ADGRL3: variants seen among roughly 807,000 people sequenced by gnomAD.
ADGRL3 encodes the protein adhesion G protein-coupled receptor L3.
Under a neutral mutation model 153.5 loss-of-function variants are expected in ADGRL3, and 62 were observed. The ratio of observed to expected loss-of-function variants is 0.40; its 90% confidence interval spans 0.33 to 0.50. The LOEUF is 0.50. Among genes scored for constraint, ADGRL3 ranks in the 20% least tolerant of loss-of-function variants. ADGRL3 has a pLI of 0.47. For synonymous variants in ADGRL3, 710 were observed against 672.5 expected, an observed-to-expected ratio of 1.06 and a Z score of -0.86; for missense variants, 1,641 against 1,859.4, an observed-to-expected ratio of 0.88 and a Z score of 2.16.
chr4:61,527,895 A>G (rs1579348626), intron 4 of ADGRL3, among the ~76,000 whole-genome samples: 1 of 152,128 alleles, frequency 6.6e-6, no homozygotes, highest in Non-Finnish European at 1.5e-5. Context: ...CATATCATAC[A>G]GTTCCTGGTG....
intron 25 of ADGRL3, among the ~76,000 whole-genome samples, 160 bp downstream of exon 25, chr4:62,044,709 T>A (rs914223372): frequency 6.6e-6 from 1 of 152,086 alleles, no homozygotes; most frequent in Non-Finnish European, 1.5e-5. Flanking sequence ...CCATTATTCA[T>A]AAGCTACTTT....
chr4:61,922,273 G>A (rs1454059144), intron 13 of ADGRL3, among the ~76,000 whole-genome samples: 2 of 152,068 alleles, frequency 1.3e-5, no homozygotes, highest in Non-Finnish European at 2.9e-5. Flanking sequence ...ATATACTTCT[G>A]TAATTTAAAA....
chr4:61,389,749 T>C (rs2151990333), intron 2 of ADGRL3, among the ~76,000 whole-genome samples: 1 of 152,334 alleles, frequency 6.6e-6, no homozygotes, highest in East Asian at 1.9e-4. Flanking sequence ...TGCTTATTCC[T>C]CTCTTGGAGA....
rs558502911 is a variant in ADGRL3, at chr4:61,391,347, C to T, written c.-174+8158C>T. 1.1e-3 allele frequency among the ~76,000 whole-genome samples: 162 copies of T among 152,284 alleles called. 1 individual carries two copies. Among genetic ancestry groups the T allele is most frequent in the African/African-American group, 3.7e-3 (155 of 41,568 alleles). The stretch of plus-strand genomic sequence containing the variant: ...TTTAAAAAAACAGATCTCACGTGAA[C>T]TCAGAGTGAGAACTCACTCCTTACC... On this transcript the variant is annotated intron_variant, in intron 2 of 26. Coordinates refer to ENST00000683033, the MANE Select transcript of ADGRL3 (RefSeq NM_001387552.1).
rs748379370 is a variant in ADGRL3, at chr4:62,028,904, A to T, written c.3422+23A>T. ...CAAGTAAGAATGACCTGAATGGCTGATAAATTCCGTTTATCAGTGTGGTCC... is the reference window on the plus strand; with the variant it reads ...CAAGTAAGAATGACCTGAATGGCTGTTAAATTCCGTTTATCAGTGTGGTCC... On this transcript the variant is annotated intron_variant, in intron 22 of 26. Transcript: ENST00000683033. The T allele has an allele frequency of 2.5e-6, 4 of 1,599,406 alleles. No individual in the cohort carries two copies. In the African/African-American group the frequency reaches 5.4e-5, roughly 21 times the overall value.
chr4:61,662,315 C>G (rs1196003673), intron 5 of ADGRL3, among the ~76,000 whole-genome samples: 2 of 152,242 alleles, frequency 1.3e-5, no homozygotes, highest in African/African-American at 2.4e-5. Flanking sequence ...TTACTGTACT[C>G]TTAGGGGCCT....
chr4:61,767,687 G>A (rs1245989974), intron 8 of ADGRL3, among the ~76,000 whole-genome samples: 2 of 152,158 alleles, frequency 1.3e-5, no homozygotes, highest in African/African-American at 4.8e-5. Flanking sequence ...GATGGGACGT[G>A]GCTTAGGAGG....
intron 9 of ADGRL3, among the ~76,000 whole-genome samples, chr4:61,853,626 A>G (rs1263188944): frequency 6.6e-6 from 1 of 152,228 alleles, no homozygotes; most frequent in Non-Finnish European, 1.5e-5. Context: ...ACACTAAAGA[A>G]GCCTGCTTGT....
intron 1 of ADGRL3, 132 bp downstream of exon 1, chr4:61,201,897 T>TCACACACACA (rs574150715): frequency 5.3e-5 from 8 of 151,770 alleles, no homozygotes; most frequent in African/African-American, 1.9e-4. Flanking sequence ...ACACTCGCCC[T>TCACACACACA]CACACACACA....
chr4:61,283,847 T>G (rs1282396134), intron 1 of ADGRL3, among the ~76,000 whole-genome samples: 1 of 152,038 alleles, frequency 6.6e-6, no homozygotes, highest in Non-Finnish European at 1.5e-5. Flanking sequence ...TGATTGTCCG[T>G]GCATTTTTGC....
At chr4:61,530,227 G>A (rs2098604043) in intron 4 of ADGRL3, among the ~76,000 whole-genome samples, 1 of 152,032 alleles carries the variant, frequency 6.6e-6, no homozygotes, top group African/African-American at 2.4e-5. Context: ...AGATATAGAA[G>A]GGTAGTGAAG....
chr4:61,669,062 T>C (rs2094903364), intron 5 of ADGRL3, among the ~76,000 whole-genome samples: 1 of 152,206 alleles, frequency 6.6e-6, no homozygotes, highest in African/African-American at 2.4e-5. Context: ...CTTATTACTT[T>C]TATAAGTCTT....
At chr4:62,017,746 AG>A (rs1438018279) in intron 21 of ADGRL3, among the ~76,000 whole-genome samples, 2 of 152,210 alleles carry the variant, frequency 1.3e-5, no homozygotes, top group Admixed American at 1.3e-4. Context: ...AAGGAGAAGT[AG>A]GCCTTCAACC....
chr4:61,283,147 A>C (rs764410341), intron 1 of ADGRL3, among the ~76,000 whole-genome samples: 12 of 152,104 alleles, frequency 7.9e-5, no homozygotes, highest in Non-Finnish European at 1.5e-4. Flanking sequence ...GGCAGATCAC[A>C]CTTTAGAAGG....
intron 1 of ADGRL3, among the ~76,000 whole-genome samples, chr4:61,310,540 G>T (rs2094958528): frequency 6.6e-6 from 1 of 151,990 alleles, no homozygotes; most frequent in African/African-American, 2.4e-5. Context: ...CCTATGCTTT[G>T]GTGCGTTCAA....
At chr4:61,276,500 T>G (rs1398430820) in intron 1 of ADGRL3, among the ~76,000 whole-genome samples, 2 of 152,166 alleles carry the variant, frequency 1.3e-5, no homozygotes, top group Non-Finnish European at 1.5e-5. Context: ...TATTCTTTGT[T>G]TTGGCTTTTG....
At chr4:62,061,782 G>A (rs1023654630) in intron 25 of ADGRL3, among the ~76,000 whole-genome samples, 6 of 152,012 alleles carry the variant, frequency 3.9e-5, no homozygotes, top group Admixed American at 6.6e-5. Context: ...GTTTTTATGT[G>A]TATCAGTAGT....
intron 6 of ADGRL3, among the ~76,000 whole-genome samples, chr4:61,706,052 T>A (rs2095852186): frequency 6.6e-6 from 1 of 152,136 alleles, no homozygotes; most frequent in Admixed American, 6.6e-5. Context: ...AGAGACTAGC[T>A]TGTTACTGAA....
intron 1 of ADGRL3, among the ~76,000 whole-genome samples, chr4:61,346,374 G>T (rs2095907797): frequency 1.3e-5 from 2 of 150,702 alleles, no homozygotes; most frequent in African/African-American, 4.9e-5. Context: ...CTTGTATGGG[G>T]GAGAAAATTA....
Sources: gnomAD v4.1 joint callset for allele counts (sites outside exome capture counted in the v4.1 genomes callset) on GRCh38, gnomAD v4.1.1 for gene constraint, MANE v1.5 for transcripts, NCBI Gene and HGNC (gene_info 2026-07-23, HGNC 2026-07-21) for gene names.